PKNOX2: variants seen among roughly 807,000 people sequenced by gnomAD.
PKNOX2 encodes the protein PBX/knotted 1 homeobox 2.
In PKNOX2, 14 loss-of-function variants were observed where a neutral mutation model predicts 53.1. That is an observed-to-expected ratio of 0.26 (90% confidence interval 0.17 to 0.41). PKNOX2 has a LOEUF of 0.41. Ranked by LOEUF, PKNOX2 falls within the 10% of genes least tolerant of loss-of-function variation. PKNOX2 has a pLI of 1.00. For synonymous variants in PKNOX2, 257 were observed against 242.8 expected (o/e 1.06, Z -0.54); for missense variants, 496 against 602.8 (o/e 0.82, Z 1.85).
chr11:125,429,126 A>T (rs780542922), intron 11 of PKNOX2, 38 bp downstream of exon 11: 2 of 1,544,670 alleles, frequency 1.3e-6, no homozygotes, highest in Non-Finnish European at 1.8e-6. Flanking sequence ...TCCCAGATCC[A>T]GGGGCCACCT....
At chr11:125,258,808 T>A in intron 2 of PKNOX2, 1 of 302,890 alleles carries the variant, frequency 3.3e-6, no homozygotes, top group South Asian at 2.5e-5. Flanking sequence ...GTCACCCAAG[T>A]CCTCTTTAAC....
At chr11:125,378,970 G>GT (rs1336322825) in intron 5 of PKNOX2, among the ~76,000 whole-genome samples, 27 of 135,612 alleles carry the variant, frequency 2.0e-4, no homozygotes, top group African/African-American at 7.6e-4. Flanking sequence ...AGGAAGAAAT[G>GT]TTTGTTTTTT....
chr11:125,246,087 G>T (rs1243307106), intron 2 of PKNOX2, among the ~76,000 whole-genome samples: 3 of 152,210 alleles, frequency 2.0e-5, no homozygotes, highest in African/African-American at 7.2e-5. Flanking sequence ...AGGAAGAATA[G>T]CCAGGAGGTG....
In PKNOX2 at chr11:125,306,596, A is replaced by C. The variant is rs150927357; in HGVS notation, c.-129-25223A>C. Among the ~76,000 whole-genome samples, 5 of 152,338 alleles carry C rather than the reference A, an allele frequency of 3.3e-5. No homozygotes were observed. In the East Asian group the frequency reaches 9.6e-4, roughly 29 times the overall value. On this transcript the variant is annotated intron_variant, in intron 2 of 12. Coordinates refer to ENST00000298282, the MANE Select transcript of PKNOX2 (RefSeq NM_001382323.2). Reference sequence around the variant, plus strand: ...TAACATTAACATTTCCCAGACAGTTATTGTGAGATAATGGTCCCAGCTATA... The same window carrying C: ...TAACATTAACATTTCCCAGACAGTTCTTGTGAGATAATGGTCCCAGCTATA...
At chr11:125,289,200 C>A (rs1445129588) in intron 2 of PKNOX2, among the ~76,000 whole-genome samples, 2 of 152,294 alleles carry the variant, frequency 1.3e-5, no homozygotes, top group African/African-American at 4.8e-5. Context: ...AATCTCTTAG[C>A]TCCCAGGTGG....
chr11:125,292,890 A>G (rs11600804), intron 2 of PKNOX2, among the ~76,000 whole-genome samples: 36,588 of 151,974 alleles, frequency 0.24, 5,863 homozygotes, highest in African/African-American at 0.45. Context: ...GGAAGTGGGG[A>G]TCTCGGAGAA....
In PKNOX2 at chr11:125,166,584, G is replaced by A. The variant is rs980550450; in HGVS notation, c.-201+1808G>A. On this transcript the variant is annotated intron_variant, in intron 1 of 12. Coordinates refer to ENST00000298282, the MANE Select transcript of PKNOX2 (RefSeq NM_001382323.2). This position sits in a 1 kb window ranked among gnomAD's most constrained non-coding sequence, Gnocchi z 4.0. ...GGGCGCAGCGCGGCGGGGCGGGAGC[G>A]GTGGCCCGCAGGGGCCGCGGCCTGC... 6.6e-6 allele frequency among the ~76,000 whole-genome samples: 1 copy of A among 152,160 alleles called. No individual in the cohort carries two copies. The highest frequency in any genetic ancestry group is 1.5e-5 in the Non-Finnish European group (1 of 68,024).
At chr11:125,428,342 G>C (rs1203150503) in intron 10 of PKNOX2, among the ~76,000 whole-genome samples, 2 of 152,130 alleles carry the variant, frequency 1.3e-5, no homozygotes, top group Non-Finnish European at 2.9e-5. Flanking sequence ...GCTACCATCT[G>C]GGGGACACTG....
intron 3 of PKNOX2, among the ~76,000 whole-genome samples, chr11:125,347,144 C>T (rs1307758220): frequency 6.6e-6 from 1 of 152,140 alleles, no homozygotes; most frequent in Non-Finnish European, 1.5e-5. Flanking sequence ...GTCCTTGTGC[C>T]AGCCATGGGC....
At position 125,165,053 on chromosome 11, in the gene PKNOX2, C is replaced by G. The variant is rs1954750424; in HGVS notation, c.-201+277C>G. On this transcript the variant is annotated intron_variant, in intron 1 of 12. Transcript: ENST00000298282. This position sits in a 1 kb window ranked among gnomAD's most constrained non-coding sequence, Gnocchi z 4.5. ...AAGCTGGGGAAGCGCCGGGAGAGCG[C>G]GGAGCGGAGCAGCGCGAGGGGCGGC... is the stretch of plus-strand genomic sequence containing the variant. Among the ~76,000 whole-genome samples, 1 of 150,626 alleles carries G rather than the reference C, an allele frequency of 6.6e-6. No homozygotes were observed. Among genetic ancestry groups the G allele is most frequent in the South Asian group, 2.1e-4 (1 of 4,790 alleles).
In PKNOX2 at chr11:125,371,651, G is replaced by T. The variant is rs551970808; in HGVS notation, c.227+3666G>T. Among the ~76,000 whole-genome samples, 16 of 152,254 alleles carry T rather than the reference G, an allele frequency of 1.1e-4. No individual in the cohort carries two copies. In the East Asian group the frequency reaches 1.7e-3, roughly 17 times the overall value. ...GAGCTAGGCCTGGCCAGGTGCGGGT[G>T]GGGGAGGAGGTTGGCTTTGCGAAGA... On this transcript the variant is annotated intron_variant, in intron 5 of 12. Transcript: ENST00000298282.
chr11:125,338,032 G>A (rs571722344), intron 3 of PKNOX2, among the ~76,000 whole-genome samples: 1 of 152,170 alleles, frequency 6.6e-6, no homozygotes, highest in Admixed American at 6.5e-5. Flanking sequence ...TGAAGAAAAG[G>A]CTGAGGCTGG....
intron 1 of PKNOX2, among the ~76,000 whole-genome samples, chr11:125,226,798 C>A (rs1389916216): frequency 6.7e-6 from 1 of 148,710 alleles, no homozygotes; most frequent in Non-Finnish European, 1.5e-5. Flanking sequence ...AATCCTAAAT[C>A]GTTGCTCATT....
At chr11:125,198,948 C>A (rs1438957341) in intron 1 of PKNOX2, among the ~76,000 whole-genome samples, 1 of 151,808 alleles carries the variant, frequency 6.6e-6, no homozygotes, top group Non-Finnish European at 1.5e-5. Flanking sequence ...TGAAGCTATT[C>A]TCCTGTCTCA....
chr11:125,174,797 C>A lies in PKNOX2; in HGVS notation c.-201+10021C>A, dbSNP rs530962123. The stretch of plus-strand genomic sequence containing the variant: ...CTGGCAGAGTGGGAACTCAAGACCG[C>A]TGCTCCCCTGTGGCCCAAATAGCGG... On this transcript the variant is annotated intron_variant, in intron 1 of 12. Coordinates refer to ENST00000298282, the MANE Select transcript of PKNOX2 (RefSeq NM_001382323.2). Among the ~76,000 whole-genome samples, 20 of 152,274 alleles carry A rather than the reference C, an allele frequency of 1.3e-4. No individual in the cohort carries two copies. The South Asian group carries it at 4.1e-3, about 32-fold the overall frequency.
intron 2 of PKNOX2, among the ~76,000 whole-genome samples, chr11:125,299,215 G>A (rs1171644574): frequency 1.3e-5 from 2 of 152,140 alleles, no homozygotes; most frequent in African/African-American, 4.8e-5. Flanking sequence ...TTCCCATGGG[G>A]AGAGCACCAA....
rs572068575 is a variant in PKNOX2, at chr11:125,211,927, G to A, written c.-200-23118G>A. 4.6e-5 allele frequency among the ~76,000 whole-genome samples: 7 copies of A among 152,198 alleles called. No homozygotes were observed. In the East Asian group the frequency reaches 1.2e-3, roughly 25 times the overall value. ...CACACTACATGTGGGGACAAGTCACGATGTATTTGGTTTCCTATATGGCTC... is the reference window on the plus strand; with the variant it reads ...CACACTACATGTGGGGACAAGTCACAATGTATTTGGTTTCCTATATGGCTC... On this transcript the variant is annotated intron_variant, in intron 1 of 12. Transcript: ENST00000298282.
At chr11:125,171,123 C>T (rs932108742) in intron 1 of PKNOX2, among the ~76,000 whole-genome samples, 4 of 152,192 alleles carry the variant, frequency 2.6e-5, no homozygotes, top group Non-Finnish European at 5.9e-5. Context: ...ACATCGCCAT[C>T]CCAAATCTAG....
chr11:125,411,503 T>TCTCTCTCTCTCTCTCTCTCC (rs1565519900), intron 9 of PKNOX2: 1 of 440,532 alleles, frequency 2.3e-6, no homozygotes, highest in African/African-American at 2.3e-5. Flanking sequence ...TCTCTCTCTC[T>TCTCTCTCTCTCTCTCTCTCC]CTCTCTCCCC....
Sources: allele counts gnomAD v4.1 joint callset (sites outside exome capture counted in the v4.1 genomes callset), GRCh38; gene constraint gnomAD v4.1.1; non-coding constraint Gnocchi (gnomAD v3.1); transcripts MANE v1.5; gene names NCBI Gene and HGNC (gene_info 2026-07-23, HGNC 2026-07-21).